The following C17orf67 variants were observed in gnomAD, a reference collection of about 807,000 sequenced individuals.
C17orf67 encodes uncharacterized protein C17orf67.
C17orf67 carries 12 observed loss-of-function variants against 11.2 expected under a neutral mutation model. That is an observed-to-expected ratio of 1.07 (90% CI 0.68 to 1.73). C17orf67 has a LOEUF of 1.73. C17orf67 is among the 40% of genes most tolerant of loss of function. The pLI is 0.00. For synonymous variants in C17orf67, 59 were observed against 46.9 expected (o/e 1.26, Z -1.05); for missense variants, 115 against 113.5 (o/e 1.01, Z -0.06).
intron 7 of C17orf67, 30 bp downstream of exon 7, chr17:56,795,014 C>G (rs1567791015): frequency 6.6e-7 from 1 of 1,505,686 alleles, no homozygotes; most frequent in East Asian, 2.3e-5. Flanking sequence ...CTCCCTCAGA[C>G]AGAGGTCCGG....
chr17:56,806,216 C>T (rs376169263), intron 6 of C17orf67, among the ~76,000 whole-genome samples: 17 of 152,130 alleles, frequency 1.1e-4, no homozygotes, highest in Non-Finnish European at 2.1e-4. Context: ...CCTCATGATC[C>T]GGCCGCCTCA....
intron 6 of C17orf67, chr17:56,804,074 C>T (rs1472875838): frequency 6.6e-6 from 1 of 152,182 alleles, no homozygotes; most frequent in African/African-American, 2.4e-5. Flanking sequence ...TCTTCAGATT[C>T]CTTTCTCCAA....
chr17:56,809,698 A>G (rs1905549554), intron 6 of C17orf67, among the ~76,000 whole-genome samples: 1 of 134,560 alleles, frequency 7.4e-6, no homozygotes, highest in African/African-American at 2.9e-5. Flanking sequence ...CCTATTACAC[A>G]CATTCACACA....
At chr17:56,793,320 G>A (rs1416606311) in intron 7 of C17orf67, among the ~76,000 whole-genome samples, 1 of 152,062 alleles carries the variant, frequency 6.6e-6, no homozygotes, top group Non-Finnish European at 1.5e-5. Context: ...CCAATTCCAA[G>A]TTAACACATT....
intron 2 of C17orf67, among the ~76,000 whole-genome samples, chr17:56,826,383 T>C (rs954717491): frequency 2.1e-4 from 32 of 152,134 alleles, no homozygotes; most frequent in African/African-American, 7.2e-4. Flanking sequence ...GAAGCAGAAG[T>C]TATGCTTTAG....
chr17:56,822,183 T>A (rs78187912), intron 4 of C17orf67, among the ~76,000 whole-genome samples: 1 of 152,366 alleles, frequency 6.6e-6, no homozygotes, highest in African/African-American at 2.4e-5. Context: ...GTGGTTTGTT[T>A]CATAGCATTA....
intron 1 of C17orf67, 85 bp from the exon 2 acceptor site, chr17:56,833,427 T>A (rs929330110): frequency 1.3e-5 from 2 of 149,178 alleles, no homozygotes; most frequent in Non-Finnish European, 3.0e-5. Context: ...CCTCGGGCGC[T>A]GGCGGGCGCG....
intron 6 of C17orf67, among the ~76,000 whole-genome samples, chr17:56,807,903 T>TAAATAATAAATAAATA (rs922304093): frequency 2.3e-4 from 33 of 144,510 alleles, no homozygotes; most frequent in East Asian, 1.2e-3. Context: ...AATAAATAAA[T>TAAATAATAAATAAATA]AATAAATAAA....
chr17:56,795,159 C>T lies in C17orf67; in HGVS notation c.178G>A (p.Ala60Thr), dbSNP rs755918076. ...PMREYMHHLL[A>T]LEHRAEEQFL... Reference sequence around the variant, plus strand: ...TGCTCCTCAGCGCGATGCTCCAGGGCGAGCAGGTGGTGCATGTATTCCTGT... The same window carrying T: ...TGCTCCTCAGCGCGATGCTCCAGGGTGAGCAGGTGGTGCATGTATTCCTGT... Residue 60 changes from alanine (A) to threonine (T), a missense_variant, in exon 7 of 8, where the codon GCC becomes ACC. Transcript: ENST00000397861. The T allele has an allele frequency of 3.2e-5, 51 of 1,614,000 alleles. No individual in the cohort carries two copies. The highest frequency in any genetic ancestry group is 1.6e-4 in the Middle Eastern group (1 of 6,084).
At chr17:56,828,293 T>C (rs1339731802) in intron 2 of C17orf67, among the ~76,000 whole-genome samples, 1 of 151,760 alleles carries the variant, frequency 6.6e-6, no homozygotes, top group East Asian at 1.9e-4. Context: ...TAATCCCAGC[T>C]ACTCGGGAGG....
At chr17:56,800,891 T>C (rs977703453) in intron 6 of C17orf67, among the ~76,000 whole-genome samples, 1 of 152,168 alleles carries the variant, frequency 6.6e-6, no homozygotes, top group Non-Finnish European at 1.5e-5. Context: ...GGTATCAAAA[T>C]TGGATGTTCC....
chr17:56,828,162 T>C (rs1273047388), intron 2 of C17orf67, among the ~76,000 whole-genome samples: 2 of 150,316 alleles, frequency 1.3e-5, no homozygotes, highest in East Asian at 2.0e-4. Context: ...TCCCAGCACT[T>C]TGGGAGGACA....
intron 2 of C17orf67, among the ~76,000 whole-genome samples, 156 bp downstream of exon 2, chr17:56,832,742 C>T (rs1175660752): frequency 6.6e-6 from 1 of 152,202 alleles, no homozygotes; most frequent in Non-Finnish European, 1.5e-5. Flanking sequence ...CAGTTCCGTT[C>T]ACGAGGTACC....
In C17orf67 at chr17:56,815,749, T is replaced by C. The variant is rs1232250203; in HGVS notation, c.55+7A>G. 1.9e-6 allele frequency: 3 copies of C among 1,606,360 alleles called. No individual in the cohort carries two copies. The highest frequency in any genetic ancestry group is 2.2e-5 in the South Asian group (2 of 90,006). ...AGAAATAGGCTGTTTTTGGAGTCAGTGCCCACCTGAGAAGACAGTCAGTAA... is the reference window on the plus strand; with the variant it reads ...AGAAATAGGCTGTTTTTGGAGTCAGCGCCCACCTGAGAAGACAGTCAGTAA... On this transcript the variant is annotated splice_region_variant and intron_variant, in intron 5 of 7. Transcript: ENST00000397861.
intron 6 of C17orf67, among the ~76,000 whole-genome samples, chr17:56,813,348 T>TTGGC (rs1429002010): frequency 6.6e-6 from 1 of 151,848 alleles, no homozygotes; most frequent in Non-Finnish European, 1.5e-5. Context: ...CCCCACTCTC[T>TTGGC]TGGCTTCTCT....
intron 6 of C17orf67, chr17:56,795,437 G>T: frequency 2.0e-6 from 1 of 495,450 alleles, no homozygotes; most frequent in East Asian, 3.4e-5. Context: ...AACAACTTCA[G>T]AAAACATCTG....
intron 4 of C17orf67, among the ~76,000 whole-genome samples, chr17:56,820,663 C>A (rs1905879175): frequency 6.6e-6 from 1 of 151,986 alleles, no homozygotes; most frequent in Non-Finnish European, 1.5e-5. Flanking sequence ...ATTTGAGGAC[C>A]TGTTGTGTTA....
At chr17:56,817,730 C>T (rs1905794007) in intron 4 of C17orf67, among the ~76,000 whole-genome samples, 1 of 152,158 alleles carries the variant, frequency 6.6e-6, no homozygotes, top group Admixed American at 6.5e-5. Context: ...GCTGGAATTA[C>T]AGGCAAGAAA....
chr17:56,819,783 G>A (rs1905853995), intron 4 of C17orf67, among the ~76,000 whole-genome samples: 1 of 152,216 alleles, frequency 6.6e-6, no homozygotes, highest in Admixed American at 6.5e-5. Flanking sequence ...AAAAGCCCCA[G>A]CGGGGTAACG....
Sources: gnomAD v4.1 joint callset for allele counts (sites outside exome capture counted in the v4.1 genomes callset) on GRCh38, gnomAD v4.1.1 for gene constraint, MANE v1.5 for transcripts, NCBI Gene and HGNC (gene_info 2026-07-23, HGNC 2026-07-21) for gene names.